The following MTRFR variants were observed in gnomAD, a reference collection of about 807,000 sequenced individuals.
MTRFR encodes probable peptide chain release factor C12orf65, mitochondrial.
Under a neutral mutation model 11.9 loss-of-function variants are expected in MTRFR, and 10 were observed. The observed-to-expected ratio is 0.84, with a 90% CI of 0.52 to 1.42. The LOEUF (loss-of-function observed/expected upper bound fraction) is 1.42, where lower values mean the gene tolerates loss of function less well. Among genes scored for constraint, MTRFR ranks in the 40% most tolerant of loss-of-function variants. The pLI is 0.00. For synonymous variants in MTRFR, 77 were observed against 79.1 expected (o/e 0.97, Z 0.14); for missense variants, 196 against 197.9 (o/e 0.99, Z 0.06).
At chr12:123,242,041 A>C (rs1054676848) in intron 1 of MTRFR, among the ~76,000 whole-genome samples, 1 of 152,180 alleles carries the variant, frequency 6.6e-6, no homozygotes, top group African/African-American at 2.4e-5. Context: ...CTTTTATGCT[A>C]CAGACTCTTT....
intron 1 of MTRFR, among the ~76,000 whole-genome samples, chr12:123,236,528 A>G (rs1169339848): frequency 6.6e-6 from 1 of 151,900 alleles, no homozygotes; most frequent in Admixed American, 6.6e-5. Flanking sequence ...CAGGAGGTCA[A>G]GGCTGCACTG....
chr12:123,242,769 C>T (rs2047961159), intron 1 of MTRFR, among the ~76,000 whole-genome samples: 2 of 152,230 alleles, frequency 1.3e-5, no homozygotes, highest in Admixed American at 6.5e-5. Flanking sequence ...CTCTCATCTC[C>T]ATCCTTTGTC....
At chr12:123,240,234 C>T (rs1212165492) in intron 1 of MTRFR, among the ~76,000 whole-genome samples, 1 of 146,524 alleles carries the variant, frequency 6.8e-6, no homozygotes, top group Non-Finnish European at 1.5e-5. Context: ...AAAAGCTGGA[C>T]GTGGTGGTGG....
In MTRFR at chr12:123,253,854, CGAA is replaced by C. The variant is rs753095478; in HGVS notation, c.183_185del (p.Glu62del). ...TGCTTTCCTTGGATGAGAATGAACT[CGAA>C]GAGCAGTTTGTGAAAGGACACGGTC... On this transcript the variant is annotated inframe_deletion, in exon 2 of 3. Coordinates refer to ENST00000253233, the MANE Select transcript of MTRFR (RefSeq NM_152269.5). 1 of 1,614,148 alleles carries C rather than the reference CGAA, an allele frequency of 6.2e-7. No homozygotes were observed. The highest frequency in any genetic ancestry group is 1.1e-5 in the South Asian group (1 of 91,086).
intron 1 of MTRFR, among the ~76,000 whole-genome samples, chr12:123,238,018 C>T (rs1383308703): frequency 6.6e-6 from 1 of 151,886 alleles, no homozygotes; most frequent in Non-Finnish European, 1.5e-5. Context: ...GCTGCAGCCT[C>T]CCGAGTAGCC....
intron 1 of MTRFR, chr12:123,249,393 G>A (rs951935059): frequency 6.5e-6 from 1 of 152,856 alleles, no homozygotes; most frequent in Non-Finnish European, 1.5e-5. Context: ...GGGAGGCTCT[G>A]GCCATGAGGG....
chr12:123,248,391 C>G (rs560906411), intron 1 of MTRFR: 1 of 153,650 alleles, frequency 6.5e-6, no homozygotes, highest in South Asian at 2.1e-4. Context: ...CTCACAGACT[C>G]TTAAAATTCT....
chr12:123,241,256 T>C (rs1201808451), intron 1 of MTRFR, among the ~76,000 whole-genome samples: 3 of 150,708 alleles, frequency 2.0e-5, no homozygotes. Context: ...CCTCCCAATA[T>C]GCTGGGATTT....
In MTRFR at chr12:123,247,526, CGTGAGTCTTTATGTGTTAG is replaced by C. The variant is rs2048059769; in HGVS notation, c.-28-6112_-28-6094del. ...GCCTTTTTCCACCCCTTTAAGTTTA[CGTGAGTCTTTATGTGTTAG>C]GTGAGTCTCCTGAGGGCAGCAGATG... On this transcript the variant is annotated intron_variant, in intron 1 of 2. Transcript: ENST00000253233. Among the ~76,000 whole-genome samples the C allele has an allele frequency of 2.6e-5, 4 of 152,278 alleles. No homozygotes were observed. The South Asian group carries it at 8.3e-4, about 32-fold the overall frequency.
chr12:123,239,512 C>T (rs750592160), intron 1 of MTRFR, among the ~76,000 whole-genome samples: 2 of 152,098 alleles, frequency 1.3e-5, no homozygotes, highest in African/African-American at 4.8e-5. Flanking sequence ...AAGCGATTCT[C>T]CTGCCTCAGC....
At chr12:123,255,597 C>T (rs1168573571) in intron 2 of MTRFR, among the ~76,000 whole-genome samples, 1 of 152,056 alleles carries the variant, frequency 6.6e-6, no homozygotes, top group Non-Finnish European at 1.5e-5. Context: ...GCTGGGACTG[C>T]AGGCATGCCC....
chr12:123,249,074 A>G (rs11057209), intron 1 of MTRFR: 89,108 of 151,922 alleles, frequency 0.59, 30,614 homozygotes, highest in Non-Finnish European at 0.75. Flanking sequence ...AGTCCCCACT[A>G]GATTAGCTAG....
intron 2 of MTRFR, 199 bp downstream of exon 2, chr12:123,254,155 T>C: frequency 3.3e-6 from 2 of 613,518 alleles, no homozygotes; most frequent in Non-Finnish European, 5.6e-6. Flanking sequence ...CAGAACCTCC[T>C]ACAACAGCCT....
intron 1 of MTRFR, among the ~76,000 whole-genome samples, chr12:123,243,402 T>C (rs970265746): frequency 2.0e-5 from 3 of 152,082 alleles, no homozygotes; most frequent in Admixed American, 6.6e-5. Flanking sequence ...TGGTGGCAGA[T>C]GCCTGTAGTC....
At chr12:123,251,983 G>C (rs1242095084) in intron 1 of MTRFR, 1 of 152,446 alleles carries the variant, frequency 6.6e-6, no homozygotes. Flanking sequence ...ATGTTCAAGG[G>C]CAGGGAGCAT....
chr12:123,236,361 A>G (rs1452919186), intron 1 of MTRFR, among the ~76,000 whole-genome samples: 1 of 152,110 alleles, frequency 6.6e-6, no homozygotes, highest in Non-Finnish European at 1.5e-5. Context: ...TGGGAGGCTG[A>G]GGCAGGAGGA....
chr12:123,242,630 C>G (rs1364912839), intron 1 of MTRFR, among the ~76,000 whole-genome samples: 2 of 152,198 alleles, frequency 1.3e-5, no homozygotes, highest in Admixed American at 1.3e-4. Context: ...CAGCCAGTAA[C>G]TGAACACCGG....
rs777447851 is a variant in MTRFR, at chr12:123,256,837, C to G, written c.307C>G (p.Gln103Glu). The change falls in exon 3 of 3, where the codon CAG becomes GAG. Residue 103 changes from glutamine (Q) to glutamate (E), a missense_variant. Physicochemically the swap from Gln to Glu is conservative, Grantham distance 29. Coordinates refer to ENST00000253233, the MANE Select transcript of MTRFR (RefSeq NM_152269.5). ...GTGCCATCAGACAAGATCAGTTGAT[C>G]AGAACAGAAAGCTAGCTCGGAAAAT... Reference protein sequence around the residue: ...VKCHQTRSVDQNRKLARKILQ... With the variant: ...VKCHQTRSVDENRKLARKILQ... 7 of 1,613,080 alleles carry G rather than the reference C, an allele frequency of 4.3e-6. No homozygotes were observed. The East Asian group carries it at 8.9e-5, about 21-fold the overall frequency.
chr12:123,247,019 G>A (rs936430206), intron 1 of MTRFR, among the ~76,000 whole-genome samples: 1 of 151,970 alleles, frequency 6.6e-6, no homozygotes, highest in South Asian at 2.1e-4. Flanking sequence ...GTGAGCCACC[G>A]CTCACGCCTA....
Sources: gnomAD v4.1 joint callset for allele counts (sites outside exome capture counted in the v4.1 genomes callset) on GRCh38, gnomAD v4.1.1 for gene constraint, MANE v1.5 for transcripts, NCBI Gene and HGNC (gene_info 2026-07-23, HGNC 2026-07-21) for gene names.